PRPS1: variants seen among roughly 807,000 people sequenced by gnomAD.
PRPS1 encodes the protein phosphoribosyl pyrophosphate synthetase 1.
In PRPS1, 1 loss-of-function variant was observed where a neutral mutation model predicts 16.9. The ratio of observed to expected loss-of-function variants is 0.06; its 90% CI spans 0.02 to 0.28. The LOEUF (loss-of-function observed/expected upper bound fraction) is 0.28, where lower values mean the gene tolerates loss of function less well. Among genes scored for constraint, PRPS1 ranks in the 10% least tolerant of loss-of-function variants. The pLI is 1.00. For missense variants in PRPS1, 47 were observed against 254.0 expected (o/e 0.19, Z 5.54); for synonymous variants, 70 against 90.2 (o/e 0.78, Z 1.27).
At position 107,630,591 on chromosome X, in the gene PRPS1, C is replaced by A. The variant is rs186982435; in HGVS notation, c.122+1841C>A. ...TAATCACATTTTTTTTTATGGAGTT[C>A]CCCCTATCTTTGTTTTTCCTATACT... On this transcript the variant is annotated intron_variant, in intron 1 of 6. Transcript: ENST00000372435. Among the ~76,000 whole-genome samples the A allele has an allele frequency of 2.2e-4, 24 of 110,857 alleles. No individual in the cohort carries two copies. In the Admixed American group the frequency reaches 2.2e-3, roughly 10 times the overall value.
chrX:107,640,332 ACT>A (rs1194448450), intron 2 of PRPS1, among the ~76,000 whole-genome samples: 1 of 92,031 alleles, frequency 1.1e-5, no homozygotes, highest in Non-Finnish European at 2.1e-5. Context: ...ATAGAGCAAG[ACT>A]CTGTCTCTAC....
At chrX:107,643,940 A>G (rs1925632359) in intron 4 of PRPS1, among the ~76,000 whole-genome samples, 2 of 111,744 alleles carry the variant, frequency 1.8e-5, no homozygotes, top group South Asian at 7.5e-4. Context: ...ATGTGACCAT[A>G]GTCACAAGAG....
intron 1 of PRPS1, chrX:107,636,549 A>G (rs1925447436): frequency 1.8e-5 from 2 of 111,677 alleles, no homozygotes; most frequent in South Asian, 3.7e-4. Flanking sequence ...CTTGCTTTAC[A>G]ACATAAACTA....
In PRPS1 at chrX:107,647,664, G is replaced by A. The variant is rs1423101228; in HGVS notation, c.763G>A (p.Gly255Ser). 4 of 1,210,671 alleles carry A rather than the reference G, an allele frequency of 3.3e-6. No homozygotes were observed. The highest frequency in any genetic ancestry group is 3.4e-6 in the Non-Finnish European group (3 of 894,999). Residue 255 changes from glycine (G) to serine (S), a missense_variant, in exon 6 of 7, where the codon GGT becomes AGT. Physicochemically the swap from Gly to Ser is moderately conservative, Grantham distance 56. Transcript: ENST00000372435. The part of the protein sequence containing the change: ...YAILTHGIFS[G>S]PAISRINNAC... ...CATCTTGACTCATGGAATCTTCTCC[G>A]GTCCTGCTATTTCTCGCATCAACAA...
At chrX:107,646,712 A>G (rs1223040834) in intron 5 of PRPS1, among the ~76,000 whole-genome samples, 2 of 112,274 alleles carry the variant, frequency 1.8e-5, no homozygotes, top group Admixed American at 1.9e-4. Flanking sequence ...CTTTGGTGCT[A>G]TATCTTTAAC....
chrX:107,635,793 G>A (rs1037966494), intron 1 of PRPS1, among the ~76,000 whole-genome samples: 15 of 110,614 alleles, frequency 1.4e-4, no homozygotes, highest in Non-Finnish European at 2.5e-4. Flanking sequence ...AGACATGGTG[G>A]CTCACACCTG....
intron 1 of PRPS1, among the ~76,000 whole-genome samples, chrX:107,630,520 T>A (rs188846804): frequency 3.6e-5 from 4 of 112,033 alleles, no homozygotes; most frequent in Admixed American, 1.9e-4. Context: ...TCTGGCTTAA[T>A]CATTAGCTTC....
chrX:107,628,891 G>A (rs1261202708), intron 1 of PRPS1, 141 bp downstream of exon 1: 8 of 890,063 alleles, frequency 9.0e-6, no homozygotes, highest in Non-Finnish European at 4.8e-6. Context: ...TACCCCACGG[G>A]CTGTTTCCGT....
At position 107,649,758 on chromosome X, in the gene PRPS1, G is replaced by A. The variant is rs193121465; in HGVS notation, c.865-182G>A. Among the ~76,000 whole-genome samples, 16 of 112,551 alleles carry A rather than the reference G, an allele frequency of 1.4e-4. No homozygotes were observed. The South Asian group carries it at 2.9e-3, about 20-fold the overall frequency. Reference sequence around the variant, plus strand: ...CAGGTGTGAGCCACCGTGCCCAGCCGTAAGTGGCTATCTTAAAAATGTTAT... The same window carrying A: ...CAGGTGTGAGCCACCGTGCCCAGCCATAAGTGGCTATCTTAAAAATGTTAT... On this transcript the variant is annotated intron_variant, in intron 6 of 6. Transcript: ENST00000372435.
Position 107,643,821 on chromosome X carries a change from A to T in PRPS1, c.530+1331A>T, listed in dbSNP as rs772653177. Among the ~76,000 whole-genome samples, 3 of 111,825 alleles carry T rather than the reference A, an allele frequency of 2.7e-5. No individual in the cohort carries two copies. In the South Asian group the frequency reaches 1.1e-3, roughly 42 times the overall value. On this transcript the variant is annotated intron_variant, in intron 4 of 6. Coordinates refer to ENST00000372435, the MANE Select transcript of PRPS1 (RefSeq NM_002764.4). ...GTTATGTGCTTATGCAGTAGTAGTA[A>T]TGGAGAGTACAGGGTATGGTTGGTT...
At chrX:107,647,242 G>A (rs1233917129) in intron 5 of PRPS1, among the ~76,000 whole-genome samples, 1 of 112,391 alleles carries the variant, frequency 8.9e-6, no homozygotes, top group Admixed American at 9.4e-5. Context: ...GCACGCATGC[G>A]TGCACACACA....
intron 1 of PRPS1, among the ~76,000 whole-genome samples, chrX:107,637,870 A>G (rs1019142267): frequency 7.4e-5 from 8 of 108,701 alleles, no homozygotes; most frequent in Non-Finnish European, 1.3e-4. Context: ...GTCATCCCTC[A>G]GTATCCACAG....
chrX:107,647,813 G>A, intron 6 of PRPS1, 48 bp downstream of exon 6: 1 of 1,171,859 alleles, frequency 8.5e-7, no homozygotes, highest in Non-Finnish European at 1.2e-6. Flanking sequence ...GTGTTTAGGA[G>A]GTGGTTACTT....
intron 1 of PRPS1, among the ~76,000 whole-genome samples, chrX:107,637,283 T>G (rs1386822996): frequency 1.8e-5 from 2 of 111,218 alleles, no homozygotes; most frequent in African/African-American, 6.5e-5. Flanking sequence ...CAGAGTACAG[T>G]TAACACAGAA....
chrX:107,646,358 C>A (rs1315939906), intron 5 of PRPS1, among the ~76,000 whole-genome samples: 9 of 111,294 alleles, frequency 8.1e-5, no homozygotes, highest in Non-Finnish European at 1.7e-4. Flanking sequence ...TCAAGCAATT[C>A]TCCCACCTCA....
chrX:107,646,273 TTTA>T (rs960684557), intron 5 of PRPS1, among the ~76,000 whole-genome samples: 6 of 109,211 alleles, frequency 5.5e-5, no homozygotes, highest in East Asian at 2.9e-4. Context: ...TGGGTAATTA[TTTA>T]TTATTATTAT....
chrX:107,628,578 C>T lies in PRPS1; in HGVS notation c.-51C>T, dbSNP rs1213525589. 1.7e-6 allele frequency: 2 copies of T among 1,210,881 alleles called. No individual in the cohort carries two copies. Among genetic ancestry groups the T allele is most frequent in the Non-Finnish European group, 2.2e-6 (2 of 895,327 alleles). On this transcript the variant is annotated 5_prime_UTR_variant, in exon 1 of 7. Coordinates refer to ENST00000372435, the MANE Select transcript of PRPS1 (RefSeq NM_002764.4). ...GTCTGTGGCCGACTTCGGTTCCGGT[C>T]TCTGCAGCAGCCGTGATCGCTTAGT...
At chrX:107,639,689 T>C (rs1215802510) in intron 2 of PRPS1, among the ~76,000 whole-genome samples, 1 of 112,223 alleles carries the variant, frequency 8.9e-6, no homozygotes, top group African/African-American at 3.2e-5. Context: ...GTGATACATA[T>C]ATAACTTTCA....
intron 1 of PRPS1, among the ~76,000 whole-genome samples, chrX:107,638,182 T>G (rs1227606975): frequency 9.1e-6 from 1 of 110,289 alleles, no homozygotes; most frequent in East Asian, 2.8e-4. Flanking sequence ...TGATCTTGGC[T>G]CACCGCAACC....
Sources: allele counts gnomAD v4.1 joint callset (sites outside exome capture counted in the v4.1 genomes callset), GRCh38; gene constraint gnomAD v4.1.1; transcripts MANE v1.5; gene names NCBI Gene and HGNC (gene_info 2026-07-23, HGNC 2026-07-21).